The following ANKS1B variants were observed in gnomAD, a reference collection of about 807,000 sequenced individuals.
ANKS1B encodes ankyrin repeat and sterile alpha motif domain containing 1B.
ANKS1B carries 36 observed loss-of-function variants against 148.3 expected under a neutral mutation model. That is an observed-to-expected ratio of 0.24 (90% CI 0.19 to 0.32). The LOEUF (loss-of-function observed/expected upper bound fraction) is 0.32, where lower values mean the gene tolerates loss of function less well. Among genes scored for constraint, ANKS1B ranks in the 10% least tolerant of loss-of-function variants. ANKS1B has a pLI of 1.00. For missense variants in ANKS1B, 1,157 were observed against 1,542.6 expected, an observed-to-expected ratio of 0.75 and a Z score of 4.19; for synonymous variants, 542 against 560.8, an observed-to-expected ratio of 0.97 and a Z score of 0.47.
intron 17 of ANKS1B, among the ~76,000 whole-genome samples, chr12:98,980,367 AT>A (rs2099907781): frequency 1.3e-5 from 2 of 151,854 alleles, no homozygotes; most frequent in Admixed American, 1.3e-4. Flanking sequence ...CGCCCAGCTA[AT>A]TTTTCATTTT....
intron 1 of ANKS1B, among the ~76,000 whole-genome samples, chr12:99,846,056 T>C (rs2086620664): frequency 6.6e-6 from 1 of 152,192 alleles, no homozygotes; most frequent in Admixed American, 6.5e-5. Context: ...TCTGCTCTCC[T>C]TTTGTTTAAC....
At chr12:99,900,577 T>A (rs147150391) in intron 1 of ANKS1B, among the ~76,000 whole-genome samples, 13 of 151,352 alleles carry the variant, frequency 8.6e-5, no homozygotes, top group African/African-American at 2.9e-4. Context: ...ATATTTAGCA[T>A]TTATTCAAAG....
chr12:99,848,023 G>A (rs2086990223), intron 1 of ANKS1B, among the ~76,000 whole-genome samples: 1 of 152,062 alleles, frequency 6.6e-6, no homozygotes, highest in Admixed American at 6.6e-5. Flanking sequence ...CCCAGACCCA[G>A]GGAAGCCTGA....
At chr12:99,068,473 T>G (rs914453646) in intron 16 of ANKS1B, among the ~76,000 whole-genome samples, 4 of 152,198 alleles carry the variant, frequency 2.6e-5, no homozygotes, top group African/African-American at 9.7e-5. Context: ...CTCTTATATA[T>G]GTGGTTCATC....
chr12:99,520,005 T>C (rs1596276647), intron 9 of ANKS1B, among the ~76,000 whole-genome samples: 2 of 152,316 alleles, frequency 1.3e-5, no homozygotes, highest in Admixed American at 6.5e-5. Flanking sequence ...CTTCTCTTTA[T>C]GTATTATTGT....
intron 15 of ANKS1B, among the ~76,000 whole-genome samples, chr12:99,095,952 G>C (rs926586916): frequency 1.3e-5 from 2 of 152,182 alleles, no homozygotes; most frequent in Non-Finnish European, 2.9e-5. Context: ...AATTGCCAAA[G>C]TGCTCATGGG....
chr12:99,062,409 G>A (rs992950373), intron 16 of ANKS1B, among the ~76,000 whole-genome samples: 8 of 152,148 alleles, frequency 5.3e-5, no homozygotes, highest in Non-Finnish European at 4.4e-5. Context: ...GAGAAGAGAA[G>A]TGGCCTGAGA....
intron 4 of ANKS1B, among the ~76,000 whole-genome samples, chr12:99,791,680 A>G (rs994681081): frequency 1.3e-5 from 2 of 152,002 alleles, no homozygotes; most frequent in African/African-American, 2.4e-5. Context: ...GAAATCAGAA[A>G]GAAAATTTAA....
At chr12:99,668,721 T>C (rs1420491934) in intron 8 of ANKS1B, among the ~76,000 whole-genome samples, 1 of 105,270 alleles carries the variant, frequency 9.5e-6, no homozygotes, top group East Asian at 6.6e-4. Context: ...TTTTTGTTAT[T>C]TTTTTTTGTT....
intron 17 of ANKS1B, among the ~76,000 whole-genome samples, chr12:98,903,910 T>C (rs927788863): frequency 1.3e-5 from 2 of 152,192 alleles, no homozygotes; most frequent in Non-Finnish European, 2.9e-5. Context: ...CTTATATTAC[T>C]GCAAAATTTT....
intron 12 of ANKS1B, among the ~76,000 whole-genome samples, chr12:99,312,458 A>G (rs537312315): frequency 6.6e-6 from 1 of 152,268 alleles, no homozygotes; most frequent in South Asian, 2.1e-4. Context: ...TTAGAAGATC[A>G]GTGTGTTCTT....
chr12:99,232,000 G>A (rs907698108), intron 14 of ANKS1B, among the ~76,000 whole-genome samples: 1 of 152,044 alleles, frequency 6.6e-6, no homozygotes, highest in African/African-American at 2.4e-5. Context: ...ACTCTCTATG[G>A]GTGGGTCTCT....
chr12:99,946,157 G>C (rs76925095), intron 1 of ANKS1B, among the ~76,000 whole-genome samples: 1 of 152,078 alleles, frequency 6.6e-6, no homozygotes, highest in African/African-American at 2.4e-5. Context: ...AGACCAGAAA[G>C]AGTAGACATT....
Position 99,192,847 on chromosome 12 carries a change from T to C in ANKS1B, c.2420-38452A>G, listed in dbSNP as rs183699180. Among the ~76,000 whole-genome samples, 4 of 152,218 alleles carry C rather than the reference T, an allele frequency of 2.6e-5. No homozygotes were observed. In the East Asian group the frequency reaches 7.7e-4, roughly 29 times the overall value. ...TTAAGAAGATTATCTCTGTTTTTAATATTCAATATAATAAATACAATTTGA... is the reference window on the plus strand; with the variant it reads ...TTAAGAAGATTATCTCTGTTTTTAACATTCAATATAATAAATACAATTTGA... On this transcript the variant is annotated intron_variant, in intron 14 of 26. Coordinates refer to ENST00000683438, the MANE Select transcript of ANKS1B (RefSeq NM_001352186.2).
intron 11 of ANKS1B, among the ~76,000 whole-genome samples, chr12:99,419,965 C>T (rs572933740): frequency 6.6e-6 from 1 of 152,334 alleles, no homozygotes; most frequent in East Asian, 1.9e-4. Context: ...CCAGCACACC[C>T]AGCCTGCTTT....
chr12:99,271,737 G>A (rs887253520), intron 12 of ANKS1B, among the ~76,000 whole-genome samples: 11 of 142,808 alleles, frequency 7.7e-5, no homozygotes, highest in South Asian at 6.6e-4. Context: ...CTAGTTTGTC[G>A]AAGAGATAAA....
At chr12:99,952,459 T>C (rs370441735) in intron 1 of ANKS1B, among the ~76,000 whole-genome samples, 3 of 152,350 alleles carry the variant, frequency 2.0e-5, no homozygotes, top group South Asian at 2.1e-4. Flanking sequence ...TTTTACCTGT[T>C]TCATAGCATC....
intron 17 of ANKS1B, among the ~76,000 whole-genome samples, chr12:98,833,600 A>G (rs117393172): frequency 0.02 from 3,099 of 152,072 alleles, 42 homozygotes; most frequent in East Asian, 0.049. Flanking sequence ...TTAAATTTCA[A>G]CTTTTAATTT....
chr12:99,212,019 G>A (rs1009600205), intron 14 of ANKS1B, among the ~76,000 whole-genome samples: 1 of 152,150 alleles, frequency 6.6e-6, no homozygotes, highest in African/African-American at 2.4e-5. Context: ...GTACAATGTA[G>A]AGCACTGTGC....
Sources: allele counts gnomAD v4.1 joint callset (sites outside exome capture counted in the v4.1 genomes callset), GRCh38; gene constraint gnomAD v4.1.1; transcripts MANE v1.5; gene names NCBI Gene and HGNC (gene_info 2026-07-23, HGNC 2026-07-21).